The following LRP1B variants were observed in gnomAD, a reference collection of about 807,000 sequenced individuals.
LRP1B encodes low-density lipoprotein receptor-related protein 1B.
Under a neutral mutation model 556.6 loss-of-function variants are expected in LRP1B, and 217 were observed. The ratio of observed to expected loss-of-function variants is 0.39; its 90% CI spans 0.35 to 0.44. The LOEUF (loss-of-function observed/expected upper bound fraction) is 0.44. Ranked by LOEUF, LRP1B falls within the 20% of genes least tolerant of loss-of-function variation. LRP1B has a pLI of 1.00. For missense variants in LRP1B, 5,053 were observed against 5,620.8 expected (o/e 0.90, Z 3.23); for synonymous variants, 2,047 against 1,865.8 (o/e 1.10, Z -2.50).
intron 14 of LRP1B, among the ~76,000 whole-genome samples, chr2:141,012,587 T>C (rs1263593619): frequency 6.6e-6 from 1 of 151,988 alleles, no homozygotes; most frequent in East Asian, 1.9e-4. Flanking sequence ...AATTTTATCT[T>C]TTATCAGCTA....
intron 6 of LRP1B, among the ~76,000 whole-genome samples, chr2:141,201,063 G>T (rs533299723): frequency 6.6e-6 from 1 of 152,158 alleles, no homozygotes; most frequent in South Asian, 2.1e-4. Flanking sequence ...AGTGTAGAAG[G>T]ACCTATATTA....
intron 2 of LRP1B, among the ~76,000 whole-genome samples, chr2:141,698,903 G>A (rs12622890): frequency 0.34 from 51,384 of 151,664 alleles, 9,260 homozygotes; most frequent in East Asian, 0.58. Context: ...TGTAGTTTCA[G>A]CCAGGACCCA....
At chr2:141,921,188 T>C (rs1046240654) in intron 1 of LRP1B, among the ~76,000 whole-genome samples, 16 of 152,140 alleles carry the variant, frequency 1.1e-4, no homozygotes, top group African/African-American at 3.8e-4. Context: ...TCTTAACATG[T>C]TTCAGTAAAA....
chr2:140,416,194 C>G (rs1685193500), intron 66 of LRP1B, among the ~76,000 whole-genome samples: 1 of 152,160 alleles, frequency 6.6e-6, no homozygotes, highest in African/African-American at 2.4e-5. Flanking sequence ...CAATGTGAAC[C>G]CTATCGTGAA....
intron 3 of LRP1B, among the ~76,000 whole-genome samples, chr2:141,416,411 C>T (rs570960990): frequency 6.6e-6 from 1 of 151,642 alleles, no homozygotes; most frequent in African/African-American, 2.4e-5. Flanking sequence ...TAGCACAACT[C>T]CTAGCCCACA....
chr2:141,768,293 A>G (rs1180714160), intron 2 of LRP1B, among the ~76,000 whole-genome samples: 1 of 152,110 alleles, frequency 6.6e-6, no homozygotes, highest in East Asian at 1.9e-4. Context: ...TTGGATCTAA[A>G]TGAGAGATTT....
At chr2:141,478,101 A>G (rs1377992714) in intron 3 of LRP1B, among the ~76,000 whole-genome samples, 3 of 152,208 alleles carry the variant, frequency 2.0e-5, no homozygotes, top group Non-Finnish European at 2.9e-5. Context: ...ATATATGTCA[A>G]TCTTTTCAAG....
intron 4 of LRP1B, among the ~76,000 whole-genome samples, chr2:141,250,698 T>TG (rs1291851941): frequency 1.3e-5 from 2 of 152,190 alleles, no homozygotes. Flanking sequence ...AACTTGCATC[T>TG]GGTACCTGAG....
intron 41 of LRP1B, chr2:140,683,786 T>G: frequency 1.0e-6 from 1 of 964,230 alleles, no homozygotes; most frequent in Non-Finnish European, 1.6e-6. Flanking sequence ...TGGTCAGCTG[T>G]AGCAAAGCCA....
chr2:141,864,809 G>A (rs113476922), intron 1 of LRP1B, among the ~76,000 whole-genome samples: 578 of 152,232 alleles, frequency 3.8e-3, no homozygotes, highest in Non-Finnish European at 5.3e-3. Flanking sequence ...TTGAATCCAG[G>A]AGGCGGAGGC....
At chr2:141,904,861 T>C (rs952856718) in intron 1 of LRP1B, among the ~76,000 whole-genome samples, 2 of 151,886 alleles carry the variant, frequency 1.3e-5, no homozygotes, top group Admixed American at 1.3e-4. Flanking sequence ...GTACGCTGTT[T>C]TAATTGCGGC....
At chr2:141,766,184 T>A (rs1353259641) in intron 2 of LRP1B, among the ~76,000 whole-genome samples, 1 of 152,176 alleles carries the variant, frequency 6.6e-6, no homozygotes, top group East Asian at 1.9e-4. Flanking sequence ...AAGTATAGAT[T>A]TTCAGGCAGC....
At chr2:141,375,189 T>C (rs931318126) in intron 3 of LRP1B, among the ~76,000 whole-genome samples, 1 of 152,122 alleles carries the variant, frequency 6.6e-6, no homozygotes, top group African/African-American at 2.4e-5. Flanking sequence ...AGGGTATATT[T>C]ATTAGTTGAG....
At chr2:140,797,526 T>C (rs530930868) in intron 32 of LRP1B, among the ~76,000 whole-genome samples, 1 of 152,162 alleles carries the variant, frequency 6.6e-6, no homozygotes, top group South Asian at 2.1e-4. Flanking sequence ...TAACGTTGGG[T>C]ATAATAAATT....
chr2:141,551,077 A>C lies in LRP1B; in HGVS notation c.206-70544T>G, dbSNP rs1019729006. ...ATTATTTTAAAGCTTCTGTGCTAGA[A>C]ATAGGAAATAAGTTATTATGGTCTG... On this transcript the variant is annotated intron_variant, in intron 2 of 90. Transcript: ENST00000389484. 3.3e-5 allele frequency among the ~76,000 whole-genome samples: 5 copies of C among 152,052 alleles called. No individual in the cohort carries two copies. In the East Asian group the frequency reaches 9.6e-4, roughly 29 times the overall value.
intron 86 of LRP1B, among the ~76,000 whole-genome samples, chr2:140,264,700 ATATGTGTG>A (rs1558756199): frequency 9.5e-5 from 9 of 94,296 alleles, no homozygotes; most frequent in South Asian, 8.8e-4. Flanking sequence ...AATTGTCTAT[ATATGTGTG>A]TGTGTGTGTG....
At chr2:141,363,093 T>G (rs1688892939) in intron 3 of LRP1B, among the ~76,000 whole-genome samples, 1 of 152,206 alleles carries the variant, frequency 6.6e-6, no homozygotes, top group South Asian at 2.1e-4. Context: ...TCAAAGCATC[T>G]CAGAGTCATA....
At chr2:141,439,819 TA>T (rs1197950040) in intron 3 of LRP1B, among the ~76,000 whole-genome samples, 1 of 152,170 alleles carries the variant, frequency 6.6e-6, no homozygotes, top group African/African-American at 2.4e-5. Flanking sequence ...GATGTTTTTT[TA>T]AAAAGAAAGT....
intron 86 of LRP1B, among the ~76,000 whole-genome samples, chr2:140,267,249 T>C (rs1682247749): frequency 2.0e-5 from 3 of 151,984 alleles, no homozygotes; most frequent in Non-Finnish European, 1.5e-5. Flanking sequence ...GTAAAGGAAT[T>C]GATGAATAAA....
Sources: gnomAD v4.1 joint callset for allele counts (sites outside exome capture counted in the v4.1 genomes callset) on GRCh38, gnomAD v4.1.1 for gene constraint, MANE v1.5 for transcripts, NCBI Gene and HGNC (gene_info 2026-07-23, HGNC 2026-07-21) for gene names.